Variants in NCKAP5 observed in about 807,000 individuals in gnomAD.
NCKAP5 encodes NCK associated protein 5, also known as nck-associated protein 5.
NCKAP5 carries 92 observed loss-of-function variants against 167.0 expected under a neutral mutation model. That is an observed-to-expected ratio of 0.55 (90% CI 0.47 to 0.66). NCKAP5 has a LOEUF of 0.66. Ranked by LOEUF, NCKAP5 falls within the 30% of genes least tolerant of loss-of-function variation. NCKAP5 has a pLI of 0.00. For synonymous variants in NCKAP5, 891 were observed against 877.4 expected (o/e 1.02, Z -0.27); for missense variants, 2,378 against 2,315.0 (o/e 1.03, Z -0.56).
chr2:132,764,774 T>C (rs371108160), intron 16 of NCKAP5, among the ~76,000 whole-genome samples: 3 of 152,356 alleles, frequency 2.0e-5, no homozygotes, highest in African/African-American at 4.8e-5. Context: ...CCTAAATGTG[T>C]TAGCACACTA....
At chr2:133,517,649 ACTCT>A in intron 2 of NCKAP5, 62 bp from the exon 3 acceptor site, 1 of 501,544 alleles carries the variant, frequency 2.0e-6, no homozygotes, top group Non-Finnish European at 3.3e-6. Flanking sequence ...TTTGTTTTTA[ACTCT>A]CTAACCAGAA....
chr2:133,247,938 G>A (rs977367642), intron 4 of NCKAP5, among the ~76,000 whole-genome samples: 4 of 152,208 alleles, frequency 2.6e-5, no homozygotes, highest in Non-Finnish European at 5.9e-5. Context: ...AAAGTCCTAT[G>A]AGGGGATTAG....
At chr2:133,353,730 T>C (rs1206701606) in intron 3 of NCKAP5, among the ~76,000 whole-genome samples, 5 of 152,002 alleles carry the variant, frequency 3.3e-5, no homozygotes, top group Non-Finnish European at 5.9e-5. Context: ...AAGAGGAACA[T>C]CTCAACAATG....
At chr2:133,308,140 G>C (rs1233733364) in intron 3 of NCKAP5, among the ~76,000 whole-genome samples, 1 of 140,748 alleles carries the variant, frequency 7.1e-6, no homozygotes, top group East Asian at 2.1e-4. Context: ...CCAGGCTGGA[G>C]TGCAGTGGCG....
chr2:133,605,064 A>G, the NCKAP5 span, among the ~76,000 whole-genome samples: 1 of 152,162 alleles, frequency 6.6e-6, no homozygotes, highest in Non-Finnish European at 1.5e-5. Flanking sequence ...TTGCAGTTTT[A>G]ATTAATACAG....
the NCKAP5 span, among the ~76,000 whole-genome samples, chr2:133,630,037 G>A: frequency 2.0e-5 from 3 of 151,994 alleles, no homozygotes; most frequent in African/African-American, 7.3e-5. Flanking sequence ...GCATGTGGGG[G>A]TTAATACCTA....
chr2:132,717,610 AAT>A (rs1426818457), intron 19 of NCKAP5, among the ~76,000 whole-genome samples: 1 of 152,204 alleles, frequency 6.6e-6, no homozygotes, highest in Non-Finnish European at 1.5e-5. Flanking sequence ...CAAGCTGAGG[AAT>A]TAACCAGGAA....
At chr2:133,596,806 T>C in the NCKAP5 span, among the ~76,000 whole-genome samples, 1 of 152,100 alleles carries the variant, frequency 6.6e-6, no homozygotes, top group Admixed American at 6.5e-5. Flanking sequence ...ATCACAGACT[T>C]TAGGGACTGG....
chr2:133,154,023 G>T, intron 5 of NCKAP5, among the ~76,000 whole-genome samples: 1 of 151,794 alleles, frequency 6.6e-6, no homozygotes, highest in Non-Finnish European at 1.5e-5. Context: ...TGTATTTTTA[G>T]TAGAGACGGG....
At chr2:132,771,839 A>AT (rs70973406) in intron 16 of NCKAP5, among the ~76,000 whole-genome samples, 11,371 of 100,640 alleles carry the variant, frequency 0.11, 663 homozygotes, top group East Asian at 0.19. Context: ...CGCCCGGCTA[A>AT]TTTTTTTTTT....
chr2:133,378,027 C>T (rs148641880), intron 3 of NCKAP5, among the ~76,000 whole-genome samples: 109 of 152,206 alleles, frequency 7.2e-4, no homozygotes, highest in African/African-American at 2.5e-3. Flanking sequence ...TATGAACCAC[C>T]GGCTTTTTGG....
chr2:132,766,999 T>C (rs527620241), intron 16 of NCKAP5, among the ~76,000 whole-genome samples: 77 of 152,344 alleles, frequency 5.1e-4, no homozygotes, highest in Non-Finnish European at 9.1e-4. Context: ...ATGGCCATTA[T>C]ACATGATGCT....
chr2:133,179,520 A>G (rs6757775), intron 5 of NCKAP5, among the ~76,000 whole-genome samples: 9,226 of 152,238 alleles, frequency 0.061, 320 homozygotes, highest in African/African-American at 0.089. Context: ...GAGAAGACAG[A>G]GATGTTTGAA....
chr2:133,399,078 G>A (rs867499993), intron 3 of NCKAP5, among the ~76,000 whole-genome samples: 3 of 152,180 alleles, frequency 2.0e-5, no homozygotes, highest in South Asian at 2.1e-4. Context: ...GACCGAGGCC[G>A]CTGCTCGGCA....
At chr2:133,037,289 G>GA (rs1047109299) in intron 6 of NCKAP5, among the ~76,000 whole-genome samples, 12 of 152,056 alleles carry the variant, frequency 7.9e-5, no homozygotes, top group African/African-American at 2.9e-4. Context: ...CAAAGAAATA[G>GA]AAAAAATCCT....
chr2:132,835,309 G>A (rs1687811725), intron 11 of NCKAP5, among the ~76,000 whole-genome samples: 1 of 152,018 alleles, frequency 6.6e-6, no homozygotes, highest in Non-Finnish European at 1.5e-5. Flanking sequence ...TCTGGTTTTG[G>A]TATCAGGATG....
At chr2:132,854,543 A>G (rs1311128888) in intron 11 of NCKAP5, among the ~76,000 whole-genome samples, 1 of 152,164 alleles carries the variant, frequency 6.6e-6, no homozygotes, top group Non-Finnish European at 1.5e-5. Flanking sequence ...TGGCATTTAT[A>G]CTTTCTCTTG....
intron 3 of NCKAP5, among the ~76,000 whole-genome samples, chr2:133,434,489 T>C (rs1574949093): frequency 6.6e-6 from 1 of 152,242 alleles, no homozygotes; most frequent in South Asian, 2.1e-4. Context: ...ACTCGTTATA[T>C]AATTTGGGAT....
Position 132,935,142 on chromosome 2 carries a change from C to A in NCKAP5, c.579+28578G>T, listed in dbSNP as rs1365660617. On this transcript the variant is annotated intron_variant, in intron 8 of 19. Transcript: ENST00000409261. The stretch of plus-strand genomic sequence containing the variant: ...GGAGCTTTTGTAAAGGATAGTTCTG[C>A]ATTTCTCAGGAACTCATGTGAGAAA... Among the ~76,000 whole-genome samples, 5 of 152,142 alleles carry A rather than the reference C, an allele frequency of 3.3e-5. No homozygotes were observed. In the East Asian group the frequency reaches 9.6e-4, roughly 29 times the overall value.
Sources: allele counts gnomAD v4.1 joint callset (sites outside exome capture counted in the v4.1 genomes callset), GRCh38; gene constraint gnomAD v4.1.1; transcripts MANE v1.5; gene names NCBI Gene and HGNC (gene_info 2026-07-23, HGNC 2026-07-21).